The following OSBPL3 variants were observed in gnomAD, a reference collection of about 807,000 sequenced individuals.
OSBPL3 encodes oxysterol-binding protein-related protein 3.
A neutral mutation model predicts 120.1 loss-of-function variants in OSBPL3; 65 were observed. The observed-to-expected ratio is 0.54, with a 90% CI of 0.44 to 0.67. The LOEUF is 0.67. Ranked by LOEUF, OSBPL3 falls within the 30% of genes least tolerant of loss-of-function variation. The probability of loss-of-function intolerance (pLI) is 0.00; values close to 1 mark genes in which losing one functional copy is unlikely to be tolerated. For missense variants in OSBPL3, 1,004 were observed against 1,082.1 expected, an observed-to-expected ratio of 0.93 and a Z score of 1.01; for synonymous variants, 416 against 402.6, an observed-to-expected ratio of 1.03 and a Z score of -0.40.
At chr7:24,969,523 C>T (rs1487201992) in intron 1 of OSBPL3, among the ~76,000 whole-genome samples, 1 of 152,088 alleles carries the variant, frequency 6.6e-6, no homozygotes, top group Non-Finnish European at 1.5e-5. Flanking sequence ...TGTGTCCTAT[C>T]TAGAAAGGAT....
rs558227426 is a variant in OSBPL3 at position 24,849,462 on chromosome 7, C to G, written c.1159-286G>C. 2.2e-5 allele frequency: 5 copies of G among 227,610 alleles called. No individual in the cohort carries two copies. In the East Asian group the frequency reaches 5.9e-4, roughly 27 times the overall value. 14.1% of individuals were successfully genotyped at this position (227,610 alleles called of 1,614,324 possible). Reference sequence around the variant, plus strand: ...GTGCAACAGAGAGGGAAGTCACAGACACTGTCGGCTTCTGTTAAGACCAGT... The same window carrying G: ...GTGCAACAGAGAGGGAAGTCACAGAGACTGTCGGCTTCTGTTAAGACCAGT... On this transcript the variant is annotated intron_variant, in intron 11 of 22. Coordinates refer to ENST00000313367, the MANE Select transcript of OSBPL3 (RefSeq NM_015550.4). This position sits in a 1 kb window ranked among gnomAD's most constrained non-coding sequence, Gnocchi z 5.4.
rs192580576 is a variant in OSBPL3 at position 24,978,494 on chromosome 7, T to C, written c.-150+1392A>G. On this transcript the variant is annotated intron_variant, in intron 1 of 22. Coordinates refer to ENST00000313367, the MANE Select transcript of OSBPL3 (RefSeq NM_015550.4). The stretch of plus-strand genomic sequence containing the variant: ...ATTTCAGAGAGAAATTTAAGTGCTA[T>C]GAGCAACAGCAAACGGGTGATGTGG... Among the ~76,000 whole-genome samples, 772 of 152,306 alleles carry C rather than the reference T, an allele frequency of 5.1e-3. 2 individuals are homozygous for C. The highest frequency in any genetic ancestry group is 7.3e-3 in the Non-Finnish European group (498 of 68,018).
intron 12 of OSBPL3, among the ~76,000 whole-genome samples, chr7:24,845,699 A>T (rs976007185): frequency 6.6e-6 from 1 of 150,468 alleles, no homozygotes; most frequent in Admixed American, 6.6e-5. Context: ...TCCTTTTGCA[A>T]TTTTTTTCTA....
rs1432021416 is a variant in OSBPL3, at chr7:24,803,771, A to AG, written c.2567+543dup. 6.7e-6 allele frequency among the ~76,000 whole-genome samples: 1 copy of AG among 149,136 alleles called. No individual in the cohort carries two copies. The highest frequency in any genetic ancestry group is 1.5e-5 in the Non-Finnish European group (1 of 66,144). ...GGGTGACAGAGCGAGACTCTGTATC[A>AG]GAAAAAAAAAAAATTATATCTATTT... On this transcript the variant is annotated intron_variant, in intron 22 of 22. Coordinates refer to ENST00000313367, the MANE Select transcript of OSBPL3 (RefSeq NM_015550.4). The surrounding 1 kb of genome is among the most constrained non-coding windows in gnomAD (Gnocchi z 4.2).
rs1286369059 is a variant in OSBPL3 at position 24,894,138 on chromosome 7, T to A, written c.-149-1517A>T. Among the ~76,000 whole-genome samples, 1 of 151,896 alleles carries A rather than the reference T, an allele frequency of 6.6e-6. No homozygotes were observed. The highest frequency in any genetic ancestry group is 1.9e-4 in the East Asian group (1 of 5,204). On this transcript the variant is annotated intron_variant, in intron 1 of 22. Coordinates refer to ENST00000313367, the MANE Select transcript of OSBPL3 (RefSeq NM_015550.4). This position sits in a 1 kb window ranked among gnomAD's most constrained non-coding sequence, Gnocchi z 4.1. ...TCATATACTCTTTCCTACACCTTCA[T>A]TAACACTTAGTTCTTCAAAAATAAA...
Position 24,967,308 on chromosome 7 carries a change from A to G in OSBPL3, c.-150+12578T>C, listed in dbSNP as rs973071287. 2.0e-5 allele frequency among the ~76,000 whole-genome samples: 3 copies of G among 152,158 alleles called. No individual in the cohort carries two copies. The highest frequency in any genetic ancestry group is 4.8e-5 in the African/African-American group (2 of 41,438). Reference sequence around the variant, plus strand: ...CATGCACCACCCTTGGGTTCCCATGAATTCTTACCCTACAGCTGCAAGGGA... The same window carrying G: ...CATGCACCACCCTTGGGTTCCCATGGATTCTTACCCTACAGCTGCAAGGGA... On this transcript the variant is annotated intron_variant, in intron 1 of 22. Transcript: ENST00000313367. The surrounding 1 kb of genome is among the most constrained non-coding windows in gnomAD (Gnocchi z 5.6).
intron 1 of OSBPL3, among the ~76,000 whole-genome samples, chr7:24,944,165 G>T (rs79129898): frequency 0.031 from 4,743 of 151,914 alleles, 262 homozygotes; most frequent in African/African-American, 0.11. Context: ...AGAGATTACT[G>T]GATTCTTCAT....
chr7:24,875,052 C>T (rs1802654529), intron 2 of OSBPL3, among the ~76,000 whole-genome samples: 1 of 152,210 alleles, frequency 6.6e-6, no homozygotes, highest in African/African-American at 2.4e-5. Context: ...CCCACAATGC[C>T]TCGGTCTTGC....
chr7:24,904,313 T>C (rs1379036823), intron 1 of OSBPL3, among the ~76,000 whole-genome samples: 15 of 152,204 alleles, frequency 9.9e-5, no homozygotes, highest in Non-Finnish European at 2.2e-4. Flanking sequence ...GTCAACTCTT[T>C]CAGTGAAAAG....
intron 12 of OSBPL3, 24 bp from the exon 13 acceptor site, chr7:24,842,437 A>G (rs752695369): frequency 6.4e-7 from 1 of 1,556,046 alleles, no homozygotes; most frequent in Non-Finnish European, 8.7e-7. Flanking sequence ...AAAACCAAAA[A>G]TGTATACATT....
chr7:24,836,496 C>T (rs1234437647), intron 14 of OSBPL3, among the ~76,000 whole-genome samples: 2 of 152,098 alleles, frequency 1.3e-5, no homozygotes, highest in Admixed American at 6.6e-5. Context: ...TGGTATTTAC[C>T]TTTAAATTTG....
rs1256719637 is a variant in OSBPL3, at chr7:24,871,920, T to A, written c.213+33A>T. The A allele has an allele frequency of 5.3e-6, 8 of 1,515,784 alleles. No homozygotes were observed. Among genetic ancestry groups the A allele is most frequent in the Middle Eastern group, 1.7e-4 (1 of 5,890 alleles). 93.9% of individuals were successfully genotyped at this position (1,515,784 alleles called of 1,614,324 possible). A position where few individuals can be genotyped will look rare whatever the true frequency, so the allele number is the denominator to read the frequency against. Reference sequence around the variant, plus strand: ...CAGGTGCTGAGTGGGGCAGTGTGAGTGCAAATAAAGGGGAGGCCAAGACCA... The same window carrying A: ...CAGGTGCTGAGTGGGGCAGTGTGAGAGCAAATAAAGGGGAGGCCAAGACCA... On this transcript the variant is annotated intron_variant, in intron 3 of 22. Transcript: ENST00000313367. This position sits in a 1 kb window ranked among gnomAD's most constrained non-coding sequence, Gnocchi z 4.8.
intron 14 of OSBPL3, among the ~76,000 whole-genome samples, chr7:24,838,931 CA>C (rs1797350082): frequency 6.6e-6 from 1 of 152,152 alleles, no homozygotes; most frequent in Admixed American, 6.5e-5. Flanking sequence ...GTTCATCTCC[CA>C]AGAAACATTT....
rs1816330231 is a variant in OSBPL3, at chr7:24,965,961, T to A, written c.-150+13925A>T. 1.3e-5 allele frequency among the ~76,000 whole-genome samples: 2 copies of A among 152,084 alleles called. No homozygotes were observed. Among genetic ancestry groups the A allele is most frequent in the African/African-American group, 4.8e-5 (2 of 41,416 alleles). On this transcript the variant is annotated intron_variant, in intron 1 of 22. Coordinates refer to ENST00000313367, the MANE Select transcript of OSBPL3 (RefSeq NM_015550.4). The surrounding 1 kb of genome is among the most constrained non-coding windows in gnomAD (Gnocchi z 4.3). Reference sequence around the variant, plus strand: ...ATGTGGCCCCACCCCTCCAGCTGGCTCCCTGTCCAGCCAGAATGTTGTCTT... The same window carrying A: ...ATGTGGCCCCACCCCTCCAGCTGGCACCCTGTCCAGCCAGAATGTTGTCTT...
At position 24,959,836 on chromosome 7, in the gene OSBPL3, CAA is replaced by C. The variant is rs112498635; in HGVS notation, c.-150+20048_-150+20049del. ...CCCAGCTGACCTGGACTGGTTTGAC[CAA>C]AGAGCCTACCACTGAAAACCGAACT... On this transcript the variant is annotated intron_variant, in intron 1 of 22. Coordinates refer to ENST00000313367, the MANE Select transcript of OSBPL3 (RefSeq NM_015550.4). This position sits in a 1 kb window ranked among gnomAD's most constrained non-coding sequence, Gnocchi z 4.3. Among the ~76,000 whole-genome samples, 31 of 152,150 alleles carry C rather than the reference CAA, an allele frequency of 2.0e-4. No homozygotes were observed. Among genetic ancestry groups the C allele is most frequent in the Admixed American group, 5.9e-4 (9 of 15,286 alleles).
intron 10 of OSBPL3, among the ~76,000 whole-genome samples, chr7:24,856,222 T>C (rs1248659490): frequency 6.6e-6 from 1 of 152,136 alleles, no homozygotes; most frequent in African/African-American, 2.4e-5. Flanking sequence ...AGTTTTTGAC[T>C]GTAAGAAGTC....
intron 5 of OSBPL3, 39 bp from the exon 6 acceptor site, chr7:24,866,276 C>G: frequency 7.0e-7 from 1 of 1,419,986 alleles, no homozygotes; most frequent in Non-Finnish European, 9.9e-7. Flanking sequence ...ACAAGAGAAT[C>G]ATTCACTGGA....
chr7:24,941,796 G>T lies in OSBPL3; in HGVS notation c.-150+38090C>A, dbSNP rs185188949. 3.6e-4 allele frequency among the ~76,000 whole-genome samples: 55 copies of T among 152,302 alleles called. No homozygotes were observed. The East Asian group carries it at 6.2e-3, about 17-fold the overall frequency. Reference sequence around the variant, plus strand: ...GCATGGAATTCTAAATGCAAAACTTGTGAACAAATGATGTATAAAATGAAG... The same window carrying T: ...GCATGGAATTCTAAATGCAAAACTTTTGAACAAATGATGTATAAAATGAAG... On this transcript the variant is annotated intron_variant, in intron 1 of 22. Coordinates refer to ENST00000313367, the MANE Select transcript of OSBPL3 (RefSeq NM_015550.4).
At chr7:24,825,347 A>G (rs1178343450) in intron 16 of OSBPL3, among the ~76,000 whole-genome samples, 3 of 152,248 alleles carry the variant, frequency 2.0e-5, no homozygotes, top group Non-Finnish European at 4.4e-5. Flanking sequence ...GTGAATGATG[A>G]GAGAAAGAGC....
Sources: gnomAD v4.1 joint callset for allele counts (sites outside exome capture counted in the v4.1 genomes callset) on GRCh38, gnomAD v4.1.1 for gene constraint, Gnocchi (gnomAD v3.1) non-coding constraint, MANE v1.5 for transcripts, NCBI Gene and HGNC (gene_info 2026-07-23, HGNC 2026-07-21) for gene names.